Variants in PROCR observed in about 807,000 individuals in gnomAD.
The protein encoded by PROCR is protein C receptor.
In PROCR, 22 loss-of-function variants were observed where a neutral mutation model predicts 24.2. The ratio of observed to expected loss-of-function variants is 0.91; its 90% CI spans 0.65 to 1.30. The LOEUF (loss-of-function observed/expected upper bound fraction) is 1.30. PROCR is among the 50% of genes most tolerant of loss of function. The pLI, the probability that PROCR is intolerant of heterozygous loss-of-function variation, is 0.00. For missense variants in PROCR, 288 were observed against 307.7 expected (o/e 0.94, Z 0.48); for synonymous variants, 137 against 139.2 (o/e 0.98, Z 0.11).
chr20:35,175,224 C>T (rs1174711607), intron 2 of PROCR, among the ~76,000 whole-genome samples: 2 of 151,936 alleles, frequency 1.3e-5, no homozygotes, highest in African/African-American at 2.4e-5. Context: ...GACACCGTGA[C>T]GTCGAAGGTC....
At chr20:35,194,919 G>T (rs550118972) in intron 1 of PROCR, among the ~76,000 whole-genome samples, 2 of 152,256 alleles carry the variant, frequency 1.3e-5, no homozygotes, top group South Asian at 2.1e-4. Context: ...AGATGGGCAA[G>T]ATACAATCCA....
chr20:35,181,937 A>G (rs932540865), downstream of PROCR, among the ~76,000 whole-genome samples: 1 of 152,228 alleles, frequency 6.6e-6, no homozygotes, highest in African/African-American at 2.4e-5. Flanking sequence ...AATGGTATTA[A>G]GGATGCCACA....
At chr20:35,178,518 T>TTTTTTTG (rs2086047805), downstream of PROCR, among the ~76,000 whole-genome samples, 2 of 50,220 alleles carry the variant, frequency 4.0e-5, 1 homozygote, top group Non-Finnish European at 7.3e-5. Context: ...TTTTTTTTTT[T>TTTTTTTG]TTTTTTTTTT....
In PROCR at chr20:35,176,328, C is replaced by T; in HGVS notation, c.483C>T (p.Val161=). Residue 161 remains valine, a synonymous_variant, in exon 3 of 4, where the codon GTC becomes GTT. Coordinates refer to ENST00000216968, the MANE Select transcript of PROCR (RefSeq NM_006404.5). ...QADTQVTSGV[V]TFTLQQLNAY... is the part of the protein sequence containing the mutation. ...ACACCCAGGTCACCTCCGGAGTGGT[C>T]ACCTTCACCCTGCAGCAGCTCAATG... The T allele has an allele frequency of 1.2e-6, 2 of 1,614,246 alleles. No homozygotes were observed. The highest frequency in any genetic ancestry group is 1.7e-6 in the Non-Finnish European group (2 of 1,180,046).
chr20:35,195,276 A>G (rs1357759460), intron 1 of PROCR: 2 of 152,232 alleles, frequency 1.3e-5, no homozygotes, highest in Non-Finnish European at 2.9e-5. Flanking sequence ...TATAAAGATC[A>G]TAGAGAAAAA....
At chr20:35,194,596 C>T (rs116754523) in intron 1 of PROCR, among the ~76,000 whole-genome samples, 51 of 152,282 alleles carry the variant, frequency 3.3e-4, no homozygotes, top group African/African-American at 9.1e-4. Context: ...TAAATCTGTA[C>T]GTGAGCCAAG....
chr20:35,172,070 T>G, upstream of PROCR: 3 of 1,319,418 alleles, frequency 2.3e-6, no homozygotes, highest in Non-Finnish European at 3.3e-6. Flanking sequence ...CAGACGGTCC[T>G]CACTTCTCTT....
Position 35,177,208 on chromosome 20 carries a change from A to T in PROCR, c.*395A>T. 13 of 1,108,044 alleles carry T rather than the reference A, an allele frequency of 1.2e-5. No homozygotes were observed. The highest frequency in any genetic ancestry group is 1.4e-5 in the Non-Finnish European group (13 of 901,796). The allele number at this position is 1,108,044 out of a possible 1,614,324, so 68.6% of individuals were successfully genotyped here. On this transcript the variant is annotated 3_prime_UTR_variant, in exon 4 of 4. Transcript: ENST00000216968. ...CCACAATCAAAATACAACATTCAATACTTCCAGGTGTGTCAGACTTGGGAT... is the reference window on the plus strand; with the variant it reads ...CCACAATCAAAATACAACATTCAATTCTTCCAGGTGTGTCAGACTTGGGAT...
At position 35,174,720 on chromosome 20, in the gene PROCR, T is replaced by C; in HGVS notation, c.89T>C (p.Met30Thr). 1 of 1,614,082 alleles carries C rather than the reference T, an allele frequency of 6.2e-7. No homozygotes were observed. Among genetic ancestry groups the C allele is most frequent in the Non-Finnish European group, 8.5e-7 (1 of 1,180,012 alleles). Reference sequence around the variant, plus strand: ...CCCGCAGGCCTCCAAAGACTTCATATGCTCCAGATCTCCTACTTCCGCGAC... The same window carrying C: ...CCCGCAGGCCTCCAAAGACTTCATACGCTCCAGATCTCCTACTTCCGCGAC... ...DASDGLQRLHMLQISYFRDPY... is the reference protein window; with the variant it reads ...DASDGLQRLHTLQISYFRDPY... The change falls in exon 2 of 4, where the codon ATG becomes ACG. Residue 30 changes from methionine to threonine, a missense_variant. By Grantham distance (81) the Met-to-Thr change is moderately conservative. Transcript: ENST00000216968.
intron 1 of PROCR, chr20:35,215,880 T>C (rs756582451): frequency 1.0e-5 from 10 of 985,280 alleles, no homozygotes; most frequent in Non-Finnish European, 1.2e-5. Context: ...CTCTCATTTA[T>C]ATTTCCTTTC....
chr20:35,172,740 A>T (rs1295327383), intron 1 of PROCR, among the ~76,000 whole-genome samples: 1 of 152,158 alleles, frequency 6.6e-6, no homozygotes, highest in South Asian at 2.1e-4. Flanking sequence ...TGCTGTGCCT[A>T]ATAGAACTTA....
intron 1 of PROCR, among the ~76,000 whole-genome samples, chr20:35,192,111 A>C (rs1225880822): frequency 6.6e-6 from 1 of 152,230 alleles, no homozygotes; most frequent in Admixed American, 6.5e-5. Context: ...GATACAGGCC[A>C]ATTAGAACTT....
downstream of PROCR, among the ~76,000 whole-genome samples, chr20:35,177,898 AC>A (rs2086036837): frequency 4.6e-5 from 7 of 151,968 alleles, no homozygotes; most frequent in South Asian, 1.5e-3. Flanking sequence ...AATTTTTAAA[AC>A]TGTTCTGTCT....
In PROCR at chr20:35,174,882, G is replaced by A. The variant is rs1302269140; in HGVS notation, c.251G>A (p.Ser84Asn). The A allele has an allele frequency of 6.2e-7, 1 of 1,612,078 alleles. No homozygotes were observed. Among genetic ancestry groups the A allele is most frequent in the Admixed American group, 1.7e-5 (1 of 59,548 alleles). The change falls in exon 2 of 4, where the codon AGT becomes AAT. Residue 84 changes from serine to asparagine, a missense_variant. Transcript: ENST00000216968. ...QEPESWARTQ[S>N]GLQSYLLQFH... ...CCCGAGAGCTGGGCGCGCACGCAGA[G>A]TGGCCTGCAGTCCTACCTGCTCCAG...
At chr20:35,199,045 C>T (rs2060309383) in intron 1 of PROCR, among the ~76,000 whole-genome samples, 3 of 152,152 alleles carry the variant, frequency 2.0e-5, no homozygotes, top group Admixed American at 2.0e-4. Context: ...CTAAAGATAA[C>T]TCATTGCCTG....
intron 1 of PROCR, among the ~76,000 whole-genome samples, chr20:35,193,702 G>A (rs2086192920): frequency 6.6e-6 from 1 of 152,212 alleles, no homozygotes; most frequent in African/African-American, 2.4e-5. Flanking sequence ...GGTGGGAAAT[G>A]CATTCATTAT....
At chr20:35,176,489 C>A (rs116737636) in intron 3 of PROCR, 43 bp downstream of exon 3, 3 of 1,608,286 alleles carry the variant, frequency 1.9e-6, no homozygotes, top group Non-Finnish European at 2.5e-6. Context: ...GGGGAGAGGG[C>A]GGGTTCCAGA....
chr20:35,182,116 A>G (rs548646703), downstream of PROCR, among the ~76,000 whole-genome samples: 1 of 152,324 alleles, frequency 6.6e-6, no homozygotes, highest in South Asian at 2.1e-4. Flanking sequence ...GCAGGGGGGA[A>G]AAGGAAAACT....
intron 1 of PROCR, among the ~76,000 whole-genome samples, chr20:35,213,167 C>CA (rs1288734459): frequency 3.9e-5 from 6 of 152,058 alleles, no homozygotes; most frequent in Non-Finnish European, 8.8e-5. Flanking sequence ...CGCGTCTCTA[C>CA]AAAAAACACA....
Sources: gnomAD v4.1 joint callset for allele counts (sites outside exome capture counted in the v4.1 genomes callset) on GRCh38, gnomAD v4.1.1 for gene constraint, MANE v1.5 for transcripts, NCBI Gene and HGNC (gene_info 2026-07-23, HGNC 2026-07-21) for gene names.